The following LRRC37B variants were observed in gnomAD, a reference collection of about 807,000 sequenced individuals.
The protein encoded by LRRC37B is leucine rich repeat containing 37B, also known as leucine-rich repeat-containing protein 37B.
LRRC37B carries 28 observed loss-of-function variants against 98.3 expected under a neutral mutation model. The ratio of observed to expected loss-of-function variants is 0.28; its 90% CI spans 0.21 to 0.39. The LOEUF is 0.39. Among genes scored for constraint, LRRC37B ranks in the 10% least tolerant of loss-of-function variants. The pLI, the probability that LRRC37B is intolerant of heterozygous loss-of-function variation, is 1.00. For missense variants in LRRC37B, 938 were observed against 1,182.7 expected (o/e 0.79, Z 3.03); for synonymous variants, 364 against 442.7 (o/e 0.82, Z 2.23).
chr17:32,007,871 C>T (rs970021773), upstream of LRRC37B: 3 of 1,104,328 alleles, frequency 2.7e-6, no homozygotes, highest in African/African-American at 3.3e-5. This position sits in a 1 kb window ranked among gnomAD's most constrained non-coding sequence, Gnocchi z 4.1. Flanking sequence ...CGCACGGGCC[C>T]GGCGGGGGCG....
intron 7 of LRRC37B, chr17:32,041,616 G>A: frequency 2.1e-6 from 1 of 468,426 alleles, no homozygotes. Flanking sequence ...TGCTGCCAAG[G>A]CGGTGTCCAA....
At chr17:32,037,943 T>TAA (rs1181621376) in intron 7 of LRRC37B, among the ~76,000 whole-genome samples, 3 of 151,986 alleles carry the variant, frequency 2.0e-5, no homozygotes, top group Non-Finnish European at 2.9e-5. Context: ...CAGTCTCTAC[T>TAA]AAATACACAC....
intron 1 of LRRC37B, 132 bp from the exon 5 acceptor site, chr17:32,024,579 A>C (rs1910889896): frequency 6.7e-7 from 1 of 1,500,704 alleles, no homozygotes. Context: ...GGAAGCTGAT[A>C]GCTCTGGAAA....
exon 1 of LRRC37B, chr17:32,022,248 G>A: frequency 1.2e-6 from 2 of 1,613,922 alleles, no homozygotes; most frequent in Non-Finnish European, 1.7e-6. Flanking sequence ...AGCCCAGCAG[G>A]AGGCCCCAAT....
intron 2 of LRRC37B, among the ~76,000 whole-genome samples, chr17:32,027,556 T>C (rs574043748): frequency 6.6e-6 from 1 of 151,748 alleles, no homozygotes; most frequent in East Asian, 1.9e-4. Flanking sequence ...TGCAAATGTG[T>C]GTGTGCGCTT....
intron 1 of LRRC37B, among the ~76,000 whole-genome samples, chr17:32,012,011 T>C (rs1005514353): frequency 2.0e-5 from 3 of 152,172 alleles, no homozygotes; most frequent in African/African-American, 7.2e-5. Context: ...TTAGAGACCA[T>C]ACTTGGTATG....
chr17:32,041,395 TG>T, intron 7 of LRRC37B: 1 of 750,172 alleles, frequency 1.3e-6, no homozygotes, highest in African/African-American at 1.7e-5. Flanking sequence ...CATGGGGAGC[TG>T]GGCTTCCATG....
At chr17:32,041,538 C>G (rs1408032067) in intron 7 of LRRC37B, 2 of 510,452 alleles carry the variant, frequency 3.9e-6, no homozygotes, top group Non-Finnish European at 7.6e-6. Context: ...CTCACTGGTG[C>G]CCCCGCCCCG....
chr17:32,045,915 T>G, intron 8 of LRRC37B, 97 bp downstream of exon 11: 1 of 1,299,116 alleles, frequency 7.7e-7, no homozygotes. Context: ...GCTGATGATA[T>G]AATTGTTTTA....
chr17:32,019,925 C>T (rs190814787), upstream of LRRC37B, among the ~76,000 whole-genome samples: 120 of 152,274 alleles, frequency 7.9e-4, no homozygotes, highest in Middle Eastern at 3.4e-3. Context: ...GATCTCGGCT[C>T]ACTGCAACCT....
intron 2 of LRRC37B, among the ~76,000 whole-genome samples, chr17:32,027,562 C>T (rs1298779054): frequency 5.5e-5 from 8 of 145,658 alleles, no homozygotes; most frequent in Non-Finnish European, 9.1e-5. Context: ...TGTGTGTGTG[C>T]GCTTGCCTGT....
chr17:32,025,762 T>C (rs1278037709), intron 2 of LRRC37B, among the ~76,000 whole-genome samples: 13 of 152,238 alleles, frequency 8.5e-5, no homozygotes, highest in Non-Finnish European at 1.8e-4. Context: ...AGCATAGATA[T>C]CTAGAAATGG....
At chr17:32,040,977 G>C (rs781654468) in intron 7 of LRRC37B, 2 of 859,114 alleles carry the variant, frequency 2.3e-6, no homozygotes, top group Non-Finnish European at 4.1e-6. Flanking sequence ...GCTGCGTCAG[G>C]CGCTGGAGAA....
At position 32,035,556 on chromosome 17, in the gene LRRC37B, C is replaced by T; in HGVS notation, c.2130-9C>T. The T allele has an allele frequency of 6.2e-7, 1 of 1,610,270 alleles. No individual in the cohort carries two copies. ...TTCATATCATGAATGTTTCGGCTTTCTTCTTCAGAGACATGGGAACAACAC... is the reference window on the plus strand; with the variant it reads ...TTCATATCATGAATGTTTCGGCTTTTTTCTTCAGAGACATGGGAACAACAC... On this transcript the variant is annotated splice_polypyrimidine_tract_variant and intron_variant, in intron 6 of 11. Transcript: ENST00000327564.
chr17:32,017,536 G>T (rs887671229), upstream of LRRC37B, among the ~76,000 whole-genome samples: 4 of 152,192 alleles, frequency 2.6e-5, no homozygotes, highest in African/African-American at 9.7e-5. Flanking sequence ...CGGACATGGT[G>T]ACCCACGCCT....
chr17:32,042,799 C>G (rs529055641), intron 7 of LRRC37B: 1 of 142,002 alleles, frequency 7.0e-6, no homozygotes, highest in Non-Finnish European at 1.5e-5. Flanking sequence ...AATGTATGCC[C>G]GAATTTTGTA....
At chr17:32,038,133 A>G (rs1911305870) in intron 7 of LRRC37B, among the ~76,000 whole-genome samples, 1 of 151,288 alleles carries the variant, frequency 6.6e-6, no homozygotes, top group South Asian at 2.1e-4. Context: ...TCTCAAACAA[A>G]AAAAAAAGAG....
At chr17:32,033,919 G>C (rs932709922) in intron 5 of LRRC37B, 1 of 152,036 alleles carries the variant, frequency 6.6e-6, no homozygotes, top group African/African-American at 2.4e-5. Context: ...GTAAATTTCA[G>C]ACATCATACC....
intron 6 of LRRC37B, 93 bp from the exon 10 acceptor site, chr17:32,035,472 A>G: frequency 7.3e-7 from 1 of 1,369,710 alleles, no homozygotes; most frequent in Non-Finnish European, 1.0e-6. Context: ...AGAGAAGCCA[A>G]AATAGAAGTA....
Sources: gnomAD v4.1 joint callset for allele counts (sites outside exome capture counted in the v4.1 genomes callset) on GRCh38, gnomAD v4.1.1 for gene constraint, Gnocchi (gnomAD v3.1) non-coding constraint, MANE v1.5 for transcripts, NCBI Gene and HGNC (gene_info 2026-07-23, HGNC 2026-07-21) for gene names.